Variants in CACNA1E observed in about 807,000 individuals in gnomAD.
CACNA1E encodes voltage-dependent R-type calcium channel subunit alpha-1E.
In CACNA1E, 40 loss-of-function variants were observed where a neutral mutation model predicts 259.2. The observed-to-expected ratio is 0.15, with a 90% CI of 0.12 to 0.20. The LOEUF is 0.20. Ranked by LOEUF, CACNA1E falls within the 10% of genes least tolerant of loss-of-function variation. The probability of loss-of-function intolerance (pLI) is 1.00; values close to 1 mark genes in which losing one functional copy is unlikely to be tolerated. For synonymous variants in CACNA1E, 1,104 were observed against 1,138.5 expected (o/e 0.97, Z 0.61); for missense variants, 1,874 against 3,040.1 (o/e 0.62, Z 9.02).
chr1:181,471,434 T>C (rs1463454729), intron 2 of CACNA1E, among the ~76,000 whole-genome samples: 1 of 152,226 alleles, frequency 6.6e-6, no homozygotes, highest in African/African-American at 2.4e-5. Flanking sequence ...ACCATACCTA[T>C]GTTGTAGGAT....
Position 181,552,267 on chromosome 1 carries a change from G to A in CACNA1E, c.513-25499G>A, listed in dbSNP as rs946516702. ...GATACAAAGGCTGTGATTCTCTGTC[G>A]TTCCCAGATCTTTTACATATGAGCA... On this transcript the variant is annotated intron_variant, in intron 3 of 47. Coordinates refer to ENST00000367573, the MANE Select transcript of CACNA1E (RefSeq NM_001205293.3). Among the ~76,000 whole-genome samples, 3 of 152,114 alleles carry A rather than the reference G, an allele frequency of 2.0e-5. No individual in the cohort carries two copies. The East Asian group carries it at 5.8e-4, about 29-fold the overall frequency.
intron 2 of CACNA1E, among the ~76,000 whole-genome samples, chr1:181,422,315 C>T (rs1658808577): frequency 6.6e-6 from 1 of 152,170 alleles, no homozygotes; most frequent in Non-Finnish European, 1.5e-5. Flanking sequence ...TATGGGCCCT[C>T]AGTAATTATT....
intron 1 of CACNA1E, among the ~76,000 whole-genome samples, chr1:181,506,638 C>T (rs536674953): frequency 2.2e-4 from 34 of 152,226 alleles, no homozygotes; most frequent in Non-Finnish European, 3.4e-4. Flanking sequence ...CTGTGGGGCA[C>T]GGGGAGAAAC....
chr1:181,515,251 A>T (rs1229472432), intron 3 of CACNA1E, among the ~76,000 whole-genome samples: 1 of 152,146 alleles, frequency 6.6e-6, no homozygotes, highest in Non-Finnish European at 1.5e-5. Flanking sequence ...CAGGGGCCCA[A>T]TGTGTCCATC....
chr1:181,532,805 T>G (rs537448017), intron 3 of CACNA1E, among the ~76,000 whole-genome samples: 13 of 152,394 alleles, frequency 8.5e-5, no homozygotes, highest in African/African-American at 3.1e-4. Context: ...TCTTTGGATC[T>G]TCTCCTAAAC....
rs762088533 is a variant in CACNA1E, at chr1:181,483,859, T to A, written c.115T>A (p.Tyr39Asn). 6.2e-7 allele frequency: 1 copy of A among 1,613,628 alleles called. No homozygotes were observed. The highest frequency in any genetic ancestry group is 1.7e-5 in the Admixed American group (1 of 60,004). Residue 39 changes from tyrosine (Y) to asparagine (N), a missense_variant, in exon 1 of 48, where the codon TAC (tyrosine) becomes AAC (asparagine). By Grantham distance (143) the Tyr-to-Asn change is moderately radical (BLOSUM62 -2). Transcript: ENST00000367573. ...PVPASGQAAA[Y>N]KQTKAQRART... ...GCCGGCCTCGGGGCAGGCGGCCGCCTACAAGCAGACGAAAGCACAGAGGGC... is the reference window on the plus strand; with the variant it reads ...GCCGGCCTCGGGGCAGGCGGCCGCCAACAAGCAGACGAAAGCACAGAGGGC...
chr1:181,589,537 T>C (rs1652422479), intron 6 of CACNA1E, among the ~76,000 whole-genome samples: 1 of 151,842 alleles, frequency 6.6e-6, no homozygotes, highest in Non-Finnish European at 1.5e-5. Flanking sequence ...CTGGGAGGAT[T>C]GAGGAGAGAG....
intron 6 of CACNA1E, among the ~76,000 whole-genome samples, chr1:181,583,958 C>T (rs1441218248): frequency 6.6e-6 from 1 of 152,178 alleles, no homozygotes; most frequent in Non-Finnish European, 1.5e-5. Flanking sequence ...ATGTCTTCCA[C>T]AGTACAATGT....
At chr1:181,754,789 G>T (rs1657938776) in intron 27 of CACNA1E, among the ~76,000 whole-genome samples, 1 of 152,206 alleles carries the variant, frequency 6.6e-6, no homozygotes, top group Admixed American at 6.5e-5. Flanking sequence ...AAGGTAAGGA[G>T]AAAACAATAC....
chr1:181,733,349 A>G (rs1158508481), intron 20 of CACNA1E, 88 bp from the exon 21 acceptor site: 29 of 1,208,056 alleles, frequency 2.4e-5, no homozygotes, highest in African/African-American at 1.5e-5. Flanking sequence ...AGGCTGCCTG[A>G]GCTTCCCCGC....
chr1:181,494,680 G>A (rs991016669), intron 1 of CACNA1E, among the ~76,000 whole-genome samples: 10 of 152,132 alleles, frequency 6.6e-5, no homozygotes, highest in Admixed American at 1.3e-4. Flanking sequence ...GGTCACCACC[G>A]GTGAGCTTGA....
At chr1:181,511,534 C>CTG (rs1212794087) in intron 3 of CACNA1E, 24 bp downstream of exon 3, 1 of 1,611,750 alleles carries the variant, frequency 6.2e-7, no homozygotes, top group East Asian at 2.2e-5. Context: ...CTCTCTCTGT[C>CTG]TGTGTGTGTG....
rs574897431 is a variant in CACNA1E at position 181,616,705 on chromosome 1, TC to T, written c.952-34631del. On this transcript the variant is annotated intron_variant, in intron 6 of 47. Transcript: ENST00000367573. ...CTCCAGCCTGGTGACAGAGCAAGACTCCATCTCAAAAAAACAAAACAAAACA... is the reference window on the plus strand; with the variant it reads ...CTCCAGCCTGGTGACAGAGCAAGACTCATCTCAAAAAAACAAAACAAAACA... Among the ~76,000 whole-genome samples the T allele has an allele frequency of 3.2e-4, 49 of 151,722 alleles. No individual in the cohort carries two copies. The South Asian group carries it at 5.0e-3, about 16-fold the overall frequency.
Position 181,794,828 on chromosome 1 carries a change from C to A in CACNA1E, c.6028-36C>A, listed in dbSNP as rs758155486. The A allele has an allele frequency of 2.5e-5, 40 of 1,575,480 alleles. No homozygotes were observed. The Admixed American group carries it at 5.8e-4, about 23-fold the overall frequency. ...TTTTAGATCTTTTCAATCGTTAATCCATACCTTGTGTTTCTCTGGGGGCTT... is the reference window on the plus strand; with the variant it reads ...TTTTAGATCTTTTCAATCGTTAATCAATACCTTGTGTTTCTCTGGGGGCTT... On this transcript the variant is annotated intron_variant, in intron 45 of 47. Transcript: ENST00000367573.
intron 46 of CACNA1E, among the ~76,000 whole-genome samples, chr1:181,795,628 G>A (rs1447398855): frequency 6.6e-6 from 1 of 151,584 alleles, no homozygotes; most frequent in Non-Finnish European, 1.5e-5. Context: ...TTTTAGTAGA[G>A]ACGGGGTTTC....
At chr1:181,622,527 T>C (rs1273439113) in intron 6 of CACNA1E, among the ~76,000 whole-genome samples, 2 of 152,212 alleles carry the variant, frequency 1.3e-5, no homozygotes, top group African/African-American at 4.8e-5. Flanking sequence ...CTTCTTGCTG[T>C]GTCCTCCCAT....
intron 2 of CACNA1E, among the ~76,000 whole-genome samples, chr1:181,451,699 C>CA (rs11399789): frequency 0.42 from 64,158 of 151,450 alleles, 15,051 homozygotes; most frequent in African/African-American, 0.64. Context: ...CAAAGAAAAA[C>CA]AAAAAAAATA....
rs988706690 is a variant in CACNA1E at position 181,806,186 on chromosome 1, G to A, written c.*7352G>A. The A allele has an allele frequency of 2.0e-5, 3 of 152,336 alleles. No individual in the cohort carries two copies. Among genetic ancestry groups the A allele is most frequent in the Non-Finnish European group, 4.4e-5 (3 of 68,034 alleles). 9.4% of individuals were successfully genotyped at this position (152,336 alleles called of 1,614,324 possible). A position where few individuals can be genotyped will look rare whatever the true frequency, so the allele number is the denominator to read the frequency against. ...AACATAGTAGCACCAATAAAGGAGA[G>A]ATTATGTTAACTTCCTAGTGGTGAG... On this transcript the variant is annotated 3_prime_UTR_variant, in exon 48 of 48. Transcript: ENST00000367573.
intron 7 of CACNA1E, chr1:181,668,915 C>G (rs1648519832): frequency 6.6e-6 from 1 of 152,032 alleles, no homozygotes; most frequent in African/African-American, 2.4e-5. Context: ...GTAGTCCCAG[C>G]TATTCAGGAG....
Sources: gnomAD v4.1 joint callset for allele counts (sites outside exome capture counted in the v4.1 genomes callset) on GRCh38, gnomAD v4.1.1 for gene constraint, MANE v1.5 for transcripts, NCBI Gene and HGNC (gene_info 2026-07-23, HGNC 2026-07-21) for gene names.